Variants in GRIK1 observed in about 807,000 individuals in gnomAD.
The protein encoded by GRIK1 is glutamate ionotropic receptor kainate type subunit 1, also known as glutamate receptor ionotropic, kainate 1.
GRIK1 carries 69 observed loss-of-function variants against 105.7 expected under a neutral mutation model. The observed-to-expected ratio is 0.65, with a 90% CI of 0.54 to 0.80. GRIK1 has a LOEUF of 0.80. Ranked by LOEUF, GRIK1 falls within the 30% of genes least tolerant of loss-of-function variation. The probability of loss-of-function intolerance (pLI) is 0.00; values close to 1 mark genes in which losing one functional copy is unlikely to be tolerated. For missense variants in GRIK1, 1,109 were observed against 1,167.3 expected (o/e 0.95, Z 0.73); for synonymous variants, 438 against 431.3 (o/e 1.02, Z -0.19).
intron 4 of GRIK1, among the ~76,000 whole-genome samples, chr21:29,656,598 A>G (rs2062859355): frequency 6.6e-6 from 1 of 152,090 alleles, no homozygotes; most frequent in Non-Finnish European, 1.5e-5. Flanking sequence ...TCACTGCTCT[A>G]TGGAAAACAT....
At chr21:29,908,780 A>G (rs2070724865) in intron 1 of GRIK1, among the ~76,000 whole-genome samples, 1 of 152,206 alleles carries the variant, frequency 6.6e-6, no homozygotes, top group Admixed American at 6.5e-5. Context: ...TCCATTACTC[A>G]AATGAGTATA....
chr21:29,583,985 T>C (rs1260032067), intron 12 of GRIK1, among the ~76,000 whole-genome samples: 1 of 152,196 alleles, frequency 6.6e-6, no homozygotes, highest in Non-Finnish European at 1.5e-5. Context: ...TACTCATCTT[T>C]ACTAATATGA....
chr21:29,730,771 T>G (rs1285840179), intron 1 of GRIK1, among the ~76,000 whole-genome samples: 2 of 152,180 alleles, frequency 1.3e-5, no homozygotes, highest in African/African-American at 4.8e-5. Flanking sequence ...TTTACCATCA[T>G]GACATTCATA....
chr21:29,887,643 G>A (rs1459079942), intron 1 of GRIK1, among the ~76,000 whole-genome samples: 1 of 152,168 alleles, frequency 6.6e-6, no homozygotes, highest in Non-Finnish European at 1.5e-5. Context: ...GGGGTTGCTT[G>A]CTTGGGTCCA....
At chr21:29,730,575 G>A (rs2064591179) in intron 1 of GRIK1, among the ~76,000 whole-genome samples, 1 of 152,198 alleles carries the variant, frequency 6.6e-6, no homozygotes, top group African/African-American at 2.4e-5. Context: ...GGATGTATTT[G>A]CAAGACAGAA....
intron 3 of GRIK1, among the ~76,000 whole-genome samples, chr21:29,686,158 T>A (rs1002820588): frequency 2.0e-5 from 3 of 152,232 alleles, no homozygotes; most frequent in Admixed American, 6.5e-5. Context: ...TCTTTGGTCT[T>A]CATTTTTGAA....
At position 29,927,266 on chromosome 21, in the gene GRIK1, G is replaced by A. The variant is rs143806578; in HGVS notation, c.118+12117C>T. On this transcript the variant is annotated intron_variant, in intron 1 of 17. Coordinates refer to ENST00000327783, the MANE Select transcript of GRIK1 (RefSeq NM_001330994.2). ...AATATGAATTTATCTATGAATACAC[G>A]TATATTATATATGATATGTAATATA... is the stretch of plus-strand genomic sequence containing the variant. 5.1e-3 allele frequency among the ~76,000 whole-genome samples: 779 copies of A among 151,354 alleles called. 24 individuals carry two copies. Among genetic ancestry groups the A allele is most frequent in the Admixed American group, 0.047 (706 of 15,138 alleles).
chr21:29,613,502 G>A (rs2061774501), intron 7 of GRIK1, among the ~76,000 whole-genome samples: 1 of 152,162 alleles, frequency 6.6e-6, no homozygotes, highest in Non-Finnish European at 1.5e-5. Flanking sequence ...ACTCATGTTT[G>A]CTGACCAATC....
intron 14 of GRIK1, among the ~76,000 whole-genome samples, chr21:29,570,267 C>T (rs897676169): frequency 3.3e-5 from 5 of 152,204 alleles, no homozygotes; most frequent in Non-Finnish European, 7.4e-5. Flanking sequence ...CTTTTGGAGG[C>T]CGAAGCCGGT....
chr21:29,888,812 C>T (rs1200032742), intron 1 of GRIK1, among the ~76,000 whole-genome samples: 1 of 152,224 alleles, frequency 6.6e-6, no homozygotes, highest in Non-Finnish European at 1.5e-5. Flanking sequence ...CTGGTCTCCA[C>T]TATGATGGCG....
rs557187581 is a variant in GRIK1, at chr21:29,802,974, A to T, written c.119-108911T>A. Among the ~76,000 whole-genome samples the T allele has an allele frequency of 1.1e-3, 167 of 152,248 alleles. 1 individual carries two copies. Among genetic ancestry groups the T allele is most frequent in the African/African-American group, 3.9e-3 (160 of 41,546 alleles). On this transcript the variant is annotated intron_variant, in intron 1 of 17. Coordinates refer to ENST00000327783, the MANE Select transcript of GRIK1 (RefSeq NM_001330994.2). ...TAGTGTCCAGCACAGTCCTATAGAT[A>T]TGAAGGTTTCTTATTAATTGATTAT...
chr21:29,564,584 C>T (rs2090568456), intron 14 of GRIK1, among the ~76,000 whole-genome samples: 1 of 152,182 alleles, frequency 6.6e-6, no homozygotes, highest in South Asian at 2.1e-4. Flanking sequence ...TCCTTCATTT[C>T]ATCTGGGGAA....
At chr21:29,577,293 T>G in intron 13 of GRIK1, 112 bp from the exon 14 acceptor site, 1 of 613,676 alleles carries the variant, frequency 1.6e-6, no homozygotes. Context: ...TACCGTCTTG[T>G]AGGTAGATGA....
chr21:29,629,360 C>G (rs1310710211), intron 7 of GRIK1, among the ~76,000 whole-genome samples: 1 of 151,698 alleles, frequency 6.6e-6, no homozygotes, highest in Non-Finnish European at 1.5e-5. Context: ...GACAGCAGCA[C>G]AAGTAGACAC....
chr21:29,581,104 T>C (rs1010825888), intron 13 of GRIK1, among the ~76,000 whole-genome samples: 1 of 152,194 alleles, frequency 6.6e-6, no homozygotes, highest in Non-Finnish European at 1.5e-5. Context: ...CGTGGAGTTA[T>C]GGCTGAGAAG....
chr21:29,791,923 A>G lies in GRIK1; in HGVS notation c.119-97860T>C, dbSNP rs1310823662. 4.6e-5 allele frequency among the ~76,000 whole-genome samples: 7 copies of G among 152,200 alleles called. No individual in the cohort carries two copies. The East Asian group carries it at 7.7e-4, about 17-fold the overall frequency. ...AAATATAACAAATATTTACACATGT[A>G]TTGATGGAGAGGACTGCAGGTGCAA... On this transcript the variant is annotated intron_variant, in intron 1 of 17. Coordinates refer to ENST00000327783, the MANE Select transcript of GRIK1 (RefSeq NM_001330994.2).
intron 7 of GRIK1, among the ~76,000 whole-genome samples, chr21:29,632,605 T>C (rs2062305465): frequency 6.6e-6 from 1 of 152,106 alleles, no homozygotes; most frequent in Non-Finnish European, 1.5e-5. Flanking sequence ...TAAAATGATA[T>C]TCATCTAAGT....
intron 7 of GRIK1, among the ~76,000 whole-genome samples, chr21:29,642,358 A>G (rs920521731): frequency 2.0e-5 from 3 of 152,218 alleles, no homozygotes; most frequent in Non-Finnish European, 2.9e-5. Flanking sequence ...TAGCTGATAA[A>G]TGACAAAATA....
chr21:29,909,316 A>G (rs1289369121), intron 1 of GRIK1, among the ~76,000 whole-genome samples: 5 of 152,038 alleles, frequency 3.3e-5, no homozygotes, highest in Non-Finnish European at 7.4e-5. Flanking sequence ...GGCCCTATAA[A>G]ATATTTAATC....
Sources: gnomAD v4.1 joint callset for allele counts (sites outside exome capture counted in the v4.1 genomes callset) on GRCh38, gnomAD v4.1.1 for gene constraint, MANE v1.5 for transcripts, NCBI Gene and HGNC (gene_info 2026-07-23, HGNC 2026-07-21) for gene names.